TMEM114: variants seen among roughly 807,000 people sequenced by gnomAD.
The protein encoded by TMEM114 is transmembrane protein 114.
TMEM114 carries 6 observed loss-of-function variants against 6.2 expected under a neutral mutation model. That is an observed-to-expected ratio of 0.97 (90% confidence interval 0.53 to 1.91). The LOEUF is 1.91. TMEM114 is among the 40% of genes most tolerant of loss of function. The pLI is 0.01. For synonymous variants in TMEM114, 104 were observed against 73.0 expected (o/e 1.42, Z -2.16); for missense variants, 218 against 158.3 (o/e 1.38, Z -2.02).
intron 2 of TMEM114, among the ~76,000 whole-genome samples, chr16:8,575,341 G>C (rs1285898170): frequency 6.6e-6 from 1 of 152,140 alleles, no homozygotes; most frequent in Non-Finnish European, 1.5e-5. Flanking sequence ...CTGGTATGAA[G>C]ACAAAAATAA....
At chr16:8,537,782 T>G (rs1900402691) in exon 3 of TMEM114, 1 of 152,146 alleles carries the variant, frequency 6.6e-6, no homozygotes, top group African/African-American at 2.4e-5. Context: ...ATTGATTGAC[T>G]GTTAATAATT....
chr16:8,557,032 C>T (rs368775711), intron 2 of TMEM114, among the ~76,000 whole-genome samples: 3 of 152,030 alleles, frequency 2.0e-5, no homozygotes, highest in South Asian at 2.1e-4. Context: ...AATAATGAAT[C>T]GGTGAGGCTT....
chr16:8,542,459 G>T (rs927778029), intron 2 of TMEM114, among the ~76,000 whole-genome samples: 1 of 152,132 alleles, frequency 6.6e-6, no homozygotes, highest in Non-Finnish European at 1.5e-5. Flanking sequence ...CACCATCTTG[G>T]AAAACTTTCA....
chr16:8,564,294 T>TCAGTGAGA, intron 2 of TMEM114, among the ~76,000 whole-genome samples: 1 of 145,314 alleles, frequency 6.9e-6, no homozygotes, highest in Non-Finnish European at 1.5e-5. Context: ...ATGAAATAAG[T>TCAGTGAGA]GAATGAGTGA....
the TMEM114 span, among the ~76,000 whole-genome samples, chr16:8,528,070 G>C: frequency 6.6e-6 from 1 of 152,038 alleles, no homozygotes; most frequent in South Asian, 2.1e-4. Context: ...CACCATGCCC[G>C]GCTAAGTTTT....
downstream of TMEM114, among the ~76,000 whole-genome samples, chr16:8,535,443 A>C (rs1316837565): frequency 3.3e-5 from 5 of 152,040 alleles, no homozygotes; most frequent in South Asian, 8.3e-4. Flanking sequence ...GCTGAAAGAC[A>C]TTTGAAGGGA....
In TMEM114 at chr16:8,564,489, A is replaced by ATGAGTGAATGAGTAAG. The variant is rs1555463952; in HGVS notation, n.212+24723_212+24724insCTTACTCATTCACTCA. Among the ~76,000 whole-genome samples the ATGAGTGAATGAGTAAG allele has an allele frequency of 2.1e-5, 2 of 96,968 alleles. 1 individual carries two copies. The highest frequency in any genetic ancestry group is 9.5e-5 in the African/African-American group (2 of 21,050). 63.6% of individuals were successfully genotyped at this position (96,968 alleles called of 152,430 possible). On this transcript the variant is annotated intron_variant and non_coding_transcript_variant, in intron 2 of 2. Coordinates refer to the TMEM114 transcript ENST00000623677. Reference sequence around the variant, plus strand: ...AGTGAGGGAGGGACGGAGGGAATGAATGAGTGAATGAGTGAGTAAATGAGT... The same window carrying ATGAGTGAATGAGTAAG: ...AGTGAGGGAGGGACGGAGGGAATGAATGAGTGAATGAGTAAGTGAGTGAATGAGTGAGTAAATGAGT...
At chr16:8,572,896 A>C (rs1409330439) in intron 2 of TMEM114, among the ~76,000 whole-genome samples, 1 of 152,168 alleles carries the variant, frequency 6.6e-6, no homozygotes, top group Non-Finnish European at 1.5e-5. Flanking sequence ...GGACCTTAAG[A>C]GATCTAAAAA....
chr16:8,582,076 C>G (rs933571216), intron 2 of TMEM114, among the ~76,000 whole-genome samples: 8 of 152,222 alleles, frequency 5.3e-5, no homozygotes, highest in Non-Finnish European at 5.9e-5. Context: ...ACTGCAACAG[C>G]CCAGCACCCA....
At chr16:8,550,187 G>C (rs1345229255) in intron 2 of TMEM114, among the ~76,000 whole-genome samples, 7 of 152,208 alleles carry the variant, frequency 4.6e-5, no homozygotes, top group Non-Finnish European at 2.9e-5. Flanking sequence ...CAGCTAATTG[G>C]ATGGTGTTTA....
downstream of TMEM114, among the ~76,000 whole-genome samples, chr16:8,564,937 G>T (rs555302892): frequency 2.6e-5 from 4 of 151,520 alleles, no homozygotes; most frequent in African/African-American, 9.7e-5. Flanking sequence ...GAATGAGTGA[G>T]TGAGGGAATG....
the TMEM114 span, among the ~76,000 whole-genome samples, chr16:8,528,977 G>C: frequency 1.5e-3 from 235 of 152,212 alleles, no homozygotes; most frequent in Non-Finnish European, 2.9e-3. Flanking sequence ...TCTAGATCTT[G>C]TCTATTTCAT....
chr16:8,563,525 ATGAG>A (rs1567203031), intron 2 of TMEM114, among the ~76,000 whole-genome samples: 3 of 149,312 alleles, frequency 2.0e-5, no homozygotes, highest in Non-Finnish European at 4.4e-5. Context: ...GAGTGAGTGA[ATGAG>A]TAAGTGAATG....
intron 2 of TMEM114, among the ~76,000 whole-genome samples, chr16:8,576,317 C>T (rs1464824359): frequency 6.6e-6 from 1 of 152,214 alleles, no homozygotes; most frequent in Non-Finnish European, 1.5e-5. Flanking sequence ...TCCTCAGACC[C>T]TCCAAAGACA....
chr16:8,527,661 G>A, the TMEM114 span, among the ~76,000 whole-genome samples: 3 of 152,102 alleles, frequency 2.0e-5, no homozygotes, highest in African/African-American at 7.2e-5. Flanking sequence ...TGGGACCATT[G>A]AGGGTGGTAG....
chr16:8,549,537 G>C (rs1458425073), intron 2 of TMEM114, among the ~76,000 whole-genome samples: 2 of 150,882 alleles, frequency 1.3e-5, no homozygotes, highest in Non-Finnish European at 1.5e-5. Context: ...ATCTCAAAGT[G>C]AGATCTGTGT....
intron 2 of TMEM114, among the ~76,000 whole-genome samples, chr16:8,574,812 G>C (rs1225392103): frequency 6.6e-6 from 1 of 152,154 alleles, no homozygotes; most frequent in Non-Finnish European, 1.5e-5. Context: ...AAGCTGCCTT[G>C]ATGTCCACAT....
intron 2 of TMEM114, among the ~76,000 whole-genome samples, chr16:8,558,933 C>T (rs190148745): frequency 1.3e-5 from 2 of 150,690 alleles, no homozygotes; most frequent in East Asian, 2.0e-4. Flanking sequence ...TTAGTAGAGA[C>T]GGGGTTTCAC....
exon 3 of TMEM114, chr16:8,537,749 G>C (rs1900401507): frequency 1.3e-5 from 2 of 152,196 alleles, no homozygotes; most frequent in East Asian, 1.9e-4. Flanking sequence ...TGACGGCAAA[G>C]CCCTGCAGAA....
Sources: allele counts gnomAD v4.1 joint callset (sites outside exome capture counted in the v4.1 genomes callset), GRCh38; gene constraint gnomAD v4.1.1; transcripts MANE v1.5; gene names NCBI Gene and HGNC (gene_info 2026-07-23, HGNC 2026-07-21).